PLCB1: variants seen among roughly 807,000 people sequenced by gnomAD.
The protein encoded by PLCB1 is 1-phosphatidylinositol 4,5-bisphosphate phosphodiesterase beta-1.
Under a neutral mutation model 161.8 loss-of-function variants are expected in PLCB1, and 46 were observed. The observed-to-expected ratio is 0.28, with a 90% CI of 0.22 to 0.36. The LOEUF (loss-of-function observed/expected upper bound fraction) is 0.36, where lower values mean the gene tolerates loss of function less well. PLCB1 is among the 10% of genes least tolerant of loss of function. The pLI is 1.00. For synonymous variants in PLCB1, 517 were observed against 503.7 expected (o/e 1.03, Z -0.35); for missense variants, 1,016 against 1,472.5 (o/e 0.69, Z 5.07).
At chr20:8,824,804 G>A (rs1985609937) in intron 31 of PLCB1, among the ~76,000 whole-genome samples, 1 of 152,136 alleles carries the variant, frequency 6.6e-6, no homozygotes, top group African/African-American at 2.4e-5. Flanking sequence ...AATAATTGGG[G>A]AATATGAGAT....
intron 31 of PLCB1, among the ~76,000 whole-genome samples, chr20:8,818,258 C>A (rs6056153): frequency 0.026 from 4,030 of 152,180 alleles, 170 homozygotes; most frequent in African/African-American, 0.092. Flanking sequence ...TCCAGAAACA[C>A]AAGTATCATT....
intron 2 of PLCB1, among the ~76,000 whole-genome samples, chr20:8,217,275 A>G (rs1979183968): frequency 6.6e-6 from 1 of 152,182 alleles, no homozygotes; most frequent in Non-Finnish European, 1.5e-5. Context: ...GATCTCTGCA[A>G]TAAGTGCAGT....
At chr20:8,621,545 G>A (rs1008065687) in intron 3 of PLCB1, among the ~76,000 whole-genome samples, 3 of 152,148 alleles carry the variant, frequency 2.0e-5, no homozygotes, top group Non-Finnish European at 4.4e-5. Context: ...TTGCTAGGAA[G>A]GCAAGCACTT....
intron 2 of PLCB1, among the ~76,000 whole-genome samples, chr20:8,367,710 A>C (rs1362703516): frequency 6.6e-6 from 1 of 152,236 alleles, no homozygotes; most frequent in Non-Finnish European, 1.5e-5. Flanking sequence ...GGAAGGGCAG[A>C]AAGGGACCAT....
intron 10 of PLCB1, among the ~76,000 whole-genome samples, chr20:8,692,353 C>T (rs905979052): frequency 6.6e-6 from 1 of 152,072 alleles, no homozygotes; most frequent in Non-Finnish European, 1.5e-5. Context: ...GCATATGCAA[C>T]GTTTTATCAT....
At chr20:8,204,826 A>T (rs1037213648) in intron 2 of PLCB1, among the ~76,000 whole-genome samples, 15 of 152,200 alleles carry the variant, frequency 9.9e-5, no homozygotes, top group Admixed American at 2.0e-4. Flanking sequence ...GTTATTCAAC[A>T]AATATTTATA....
intron 3 of PLCB1, among the ~76,000 whole-genome samples, chr20:8,614,695 A>C (rs893209687): frequency 1.3e-5 from 2 of 150,786 alleles, no homozygotes; most frequent in Non-Finnish European, 2.9e-5. Context: ...TTGCTACTTA[A>C]ATCTGAATTA....
At chr20:8,501,316 C>T (rs1983393935) in intron 3 of PLCB1, among the ~76,000 whole-genome samples, 1 of 152,238 alleles carries the variant, frequency 6.6e-6, no homozygotes, top group African/African-American at 2.4e-5. Flanking sequence ...AGGAGAGACT[C>T]CATTGGATGA....
intron 2 of PLCB1, among the ~76,000 whole-genome samples, chr20:8,340,616 G>A (rs1985769999): frequency 6.6e-6 from 1 of 151,818 alleles, no homozygotes; most frequent in South Asian, 2.1e-4. Flanking sequence ...AGTAGAGACG[G>A]GGTTTCACTG....
chr20:8,417,052 C>T (rs2662984), intron 3 of PLCB1, among the ~76,000 whole-genome samples: 2,906 of 63,120 alleles, frequency 0.046, 140 homozygotes, highest in African/African-American at 0.12. Context: ...CACACACACA[C>T]ACATATATAT....
chr20:8,725,623 T>C (rs370966907), intron 16 of PLCB1, among the ~76,000 whole-genome samples: 1 of 152,176 alleles, frequency 6.6e-6, no homozygotes, highest in South Asian at 2.1e-4. Context: ...AGAGTTTATA[T>C]ATAATGATTT....
At chr20:8,636,414 T>C (rs1988764050) in intron 4 of PLCB1, among the ~76,000 whole-genome samples, 1 of 152,212 alleles carries the variant, frequency 6.6e-6, no homozygotes, top group South Asian at 2.1e-4. Flanking sequence ...GAGAATGAGA[T>C]TTACTCTACA....
chr20:8,447,870 G>A (rs4813861), intron 3 of PLCB1, among the ~76,000 whole-genome samples: 27,731 of 152,166 alleles, frequency 0.18, 3,107 homozygotes, highest in East Asian at 0.52. Context: ...ATTTCCCTTT[G>A]CACTCTACAA....
intron 25 of PLCB1, among the ~76,000 whole-genome samples, chr20:8,762,255 T>C (rs1335619668): frequency 6.6e-6 from 1 of 152,134 alleles, no homozygotes; most frequent in African/African-American, 2.4e-5. Context: ...ACCATATTAA[T>C]GCATACAACA....
chr20:8,188,386 G>T (rs2051929687), intron 2 of PLCB1, among the ~76,000 whole-genome samples: 1 of 152,060 alleles, frequency 6.6e-6, no homozygotes, highest in African/African-American at 2.4e-5. Flanking sequence ...GAACAATAAT[G>T]CAGTTGAACA....
intron 31 of PLCB1, among the ~76,000 whole-genome samples, chr20:8,861,819 G>A (rs181729621): frequency 3.0e-4 from 45 of 151,592 alleles, no homozygotes; most frequent in African/African-American, 1.0e-3. Flanking sequence ...AATTAAAAAG[G>A]CAGGCTGATG....
chr20:8,311,066 T>G (rs1307314182), intron 2 of PLCB1, among the ~76,000 whole-genome samples: 1 of 152,178 alleles, frequency 6.6e-6, no homozygotes, highest in Non-Finnish European at 1.5e-5. Flanking sequence ...TTCACCAACA[T>G]CTGTTATTTT....
At position 8,704,984 on chromosome 20, in the gene PLCB1, C is replaced by CTTTTTTT. The variant is rs368791318; in HGVS notation, c.1168-3679_1168-3673dup. The stretch of plus-strand genomic sequence containing the variant: ...CAGAAACAGCAAATTCTCCTTTACT[C>CTTTTTTT]TTTTTTTTTTTTTCCTATTCAGGCT... On this transcript the variant is annotated intron_variant, in intron 11 of 31. Coordinates refer to ENST00000338037, the MANE Select transcript of PLCB1 (RefSeq NM_015192.4). 5.9e-5 allele frequency among the ~76,000 whole-genome samples: 7 copies of CTTTTTTT among 118,802 alleles called. 2 individuals are homozygous for CTTTTTTT. Among genetic ancestry groups the CTTTTTTT allele is most frequent in the Admixed American group, 8.9e-5 (1 of 11,250 alleles). The allele number at this position is 118,802 out of a possible 152,430, so 77.9% of individuals were successfully genotyped here. A position where few individuals can be genotyped will look rare whatever the true frequency, so the allele number is the denominator to read the frequency against.
intron 25 of PLCB1, among the ~76,000 whole-genome samples, chr20:8,761,358 G>A (rs1198115545): frequency 6.6e-6 from 1 of 152,208 alleles, no homozygotes; most frequent in East Asian, 1.9e-4. Context: ...TTTGACCTAA[G>A]TGATGGATAT....
Sources: gnomAD v4.1 joint callset for allele counts (sites outside exome capture counted in the v4.1 genomes callset) on GRCh38, gnomAD v4.1.1 for gene constraint, MANE v1.5 for transcripts, NCBI Gene and HGNC (gene_info 2026-07-23, HGNC 2026-07-21) for gene names.